COL4A3: variants seen among roughly 807,000 people sequenced by gnomAD.
COL4A3 encodes collagen alpha-3(IV) chain.
Under a neutral mutation model 217.4 loss-of-function variants are expected in COL4A3, and 135 were observed. That is an observed-to-expected ratio of 0.62 (90% CI 0.54 to 0.72). COL4A3 has a LOEUF of 0.72. COL4A3 is among the 30% of genes least tolerant of loss of function. The probability of loss-of-function intolerance (pLI) is 0.00; values close to 1 mark genes in which losing one functional copy is unlikely to be tolerated. For synonymous variants in COL4A3, 690 were observed against 736.3 expected (o/e 0.94, Z 1.02); for missense variants, 1,868 against 2,119.9 (o/e 0.88, Z 2.33).
chr2:227,197,085 A>T (rs955464925), intron 1 of COL4A3, among the ~76,000 whole-genome samples: 3 of 152,016 alleles, frequency 2.0e-5, no homozygotes, highest in African/African-American at 7.2e-5. Context: ...GCCATGTAAG[A>T]TGTGCCTTTC....
Position 227,243,268 on chromosome 2 carries a change from T to C in COL4A3, c.235-1052T>C, listed in dbSNP as rs188832789. Reference sequence around the variant, plus strand: ...TCATAGATTGATATTTTAAAGCATGTAAGGCTTACAGATATGTATGAATAG... The same window carrying C: ...TCATAGATTGATATTTTAAAGCATGCAAGGCTTACAGATATGTATGAATAG... On this transcript the variant is annotated intron_variant, in intron 3 of 51. Transcript: ENST00000396578. 2.2e-4 allele frequency among the ~76,000 whole-genome samples: 34 copies of C among 152,296 alleles called. No individual in the cohort carries two copies. In the East Asian group the frequency reaches 4.8e-3, roughly 22 times the overall value.
At chr2:227,177,007 A>G (rs562613532) in intron 1 of COL4A3, among the ~76,000 whole-genome samples, 11 of 152,336 alleles carry the variant, frequency 7.2e-5, no homozygotes, top group Admixed American at 6.5e-4. Flanking sequence ...TAAAAATTAA[A>G]ACTATTTATA....
At chr2:227,237,664 AC>A (rs1206678293) in intron 1 of COL4A3, 2 of 320,982 alleles carry the variant, frequency 6.2e-6, no homozygotes, top group African/African-American at 2.2e-5. Flanking sequence ...TTAGGTTGGT[AC>A]AAAGGTAATT....
At position 227,297,269 on chromosome 2, in the gene COL4A3, CTAAGT is replaced by C. The variant is rs1315297095; in HGVS notation, c.3566-401_3566-397del. 7.2e-5 allele frequency among the ~76,000 whole-genome samples: 11 copies of C among 152,306 alleles called. No individual in the cohort carries two copies. The East Asian group carries it at 1.5e-3, about 21-fold the overall frequency. The stretch of plus-strand genomic sequence containing the variant: ...CAGTGACTCAACAATGTCAACATGA[CTAAGT>C]TAATCAGCTGATAATAACTGGCTTA... On this transcript the variant is annotated intron_variant, in intron 41 of 51. Transcript: ENST00000396578.
chr2:227,180,644 A>C (rs547106006), intron 1 of COL4A3, among the ~76,000 whole-genome samples: 1 of 152,282 alleles, frequency 6.6e-6, no homozygotes, highest in East Asian at 1.9e-4. Flanking sequence ...TTCCAAGGCC[A>C]CTCAGATTCA....
In COL4A3 at chr2:227,275,169, C is replaced by CTGTTGT. The variant is rs200536643; in HGVS notation, c.1928-1193_1928-1188dup. On this transcript the variant is annotated intron_variant, in intron 26 of 51. Transcript: ENST00000396578. ...CTGTTCTAATCCATCACCAAATGCT[C>CTGTTGT]TGTTGTTGTTGTTGTTGTTGTTGTT... Among the ~76,000 whole-genome samples the CTGTTGT allele has an allele frequency of 6.9e-4, 104 of 151,256 alleles. 1 individual carries two copies. The highest frequency in any genetic ancestry group is 2.3e-3 in the African/African-American group (96 of 40,980).
At chr2:227,298,044 T>G (rs1045722862) in intron 42 of COL4A3, among the ~76,000 whole-genome samples, 185 bp downstream of exon 42, 5 of 152,142 alleles carry the variant, frequency 3.3e-5, no homozygotes, top group African/African-American at 9.7e-5. Flanking sequence ...GAGGGATGCA[T>G]AGTTAATAAA....
At chr2:227,166,102 TTTG>T (rs1300948258) in intron 1 of COL4A3, among the ~76,000 whole-genome samples, 67 of 152,388 alleles carry the variant, frequency 4.4e-4, no homozygotes, top group African/African-American at 1.6e-3. Context: ...TTCTTTTTGC[TTTG>T]TTGCACAGTA....
Position 227,263,889 on chromosome 2 carries a change from AG to A in COL4A3, c.1262del (p.Gly421ValfsTer37), listed in dbSNP as rs2125972772. The A allele has an allele frequency of 6.2e-7, 1 of 1,614,192 alleles. No individual in the cohort carries two copies. Among genetic ancestry groups the A allele is most frequent in the Non-Finnish European group, 8.5e-7 (1 of 1,180,020 alleles). ...ATGCCATGGGGACTCCTGGGTCCCC[AG>A]GTTGTGCTGGTTCACCAGGTCTTCC... Reference protein sequence around the residue: ...KDAMGTPGSPGCAGSPGLPGS... With the variant: ...KDAMGTPGSPXCAGSPGLPGS... On this transcript the variant is annotated frameshift_variant, in exon 21 of 52. Transcript: ENST00000396578. LOFTEE classifies it high-confidence loss of function.
rs781361868 is a variant in COL4A3, at chr2:227,253,460, G to C, written c.688-101G>C. The C allele has an allele frequency of 2.5e-5, 35 of 1,400,160 alleles. No individual in the cohort carries two copies. Among genetic ancestry groups the C allele is most frequent in the Middle Eastern group, 3.5e-4 (2 of 5,656 alleles). The allele number at this position is 1,400,160 out of a possible 1,614,324, so 86.7% of individuals were successfully genotyped here. The stretch of plus-strand genomic sequence containing the variant: ...GGGCCTTCATTTGTTCTATCTTCCC[G>C]TATAAGCACTAAAGGGGAAAAGTAG... On this transcript the variant is annotated intron_variant, in intron 12 of 51. Coordinates refer to ENST00000396578, the MANE Select transcript of COL4A3 (RefSeq NM_000091.5). The surrounding 1 kb of genome is among the most constrained non-coding windows in gnomAD (Gnocchi z 4.4).
chr2:227,190,352 C>A (rs1465423034), intron 1 of COL4A3, among the ~76,000 whole-genome samples: 1 of 152,194 alleles, frequency 6.6e-6, no homozygotes, highest in Admixed American at 6.5e-5. Context: ...CCATTTCTTG[C>A]AGATCCTGAC....
intron 22 of COL4A3, 62 bp downstream of exon 22, chr2:227,266,571 A>AT (rs1329911216): frequency 1.0e-5 from 13 of 1,301,022 alleles, no homozygotes; most frequent in East Asian, 4.8e-5. Flanking sequence ...ATTATCACTG[A>AT]TTTTTCCCCC....
In COL4A3 at chr2:227,282,144, C is replaced by T. The variant is rs1017435567; in HGVS notation, c.2489-221C>T. On this transcript the variant is annotated intron_variant, in intron 31 of 51. Transcript: ENST00000396578. This position sits in a 1 kb window ranked among gnomAD's most constrained non-coding sequence, Gnocchi z 4.4. ...AAACTTAGCTATGCATTATGGTGCA[C>T]GCCTGTAGTCCCAGCTATTTGGGAG... 4.0e-5 allele frequency among the ~76,000 whole-genome samples: 6 copies of T among 151,842 alleles called. No individual in the cohort carries two copies. Among genetic ancestry groups the T allele is most frequent in the Non-Finnish European group, 7.4e-5 (5 of 67,944 alleles).
Position 227,255,963 on chromosome 2 carries a change from T to C in COL4A3, c.889-63T>C, listed in dbSNP as rs573026781. Reference sequence around the variant, plus strand: ...GGAGATGATCATATCACTTAAGATTTCCGTATTTGTAAAGTTAGCCATATT... The same window carrying C: ...GGAGATGATCATATCACTTAAGATTCCCGTATTTGTAAAGTTAGCCATATT... On this transcript the variant is annotated intron_variant, in intron 15 of 51. Transcript: ENST00000396578. 6 of 1,517,026 alleles carry C rather than the reference T, an allele frequency of 4.0e-6. No homozygotes were observed. The African/African-American group carries it at 4.1e-5, about 10-fold the overall frequency. 94.0% of individuals were successfully genotyped at this position (1,517,026 alleles called of 1,614,324 possible).
Position 227,256,344 on chromosome 2 carries a change from G to C in COL4A3, c.935G>C (p.Gly312Ala). 1 of 1,613,558 alleles carries C rather than the reference G, an allele frequency of 6.2e-7. No individual in the cohort carries two copies. Reference protein sequence around the residue: ...DGVPGFPGSEGVKGNRGFPGL... With the variant: ...DGVPGFPGSEAVKGNRGFPGL... ...ATTTCTTTTTGTTCTTTTCTTTAGGGAGTCAAGGGCAACAGGGGTTTCCCT... is the reference window on the plus strand; with the variant it reads ...ATTTCTTTTTGTTCTTTTCTTTAGGCAGTCAAGGGCAACAGGGGTTTCCCT... Residue 312 changes from glycine to alanine, a missense_variant and splice_region_variant, in exon 17 of 52, where the codon GGA becomes GCA. Physicochemically the swap from Gly to Ala is moderately conservative, Grantham distance 60 (BLOSUM62 0). Around this residue, in one of 2 missense-constraint regions of COL4A3, gnomAD observed 1,503 missense variants for 1,786.1 expected, o/e 0.84. Coordinates refer to ENST00000396578, the MANE Select transcript of COL4A3 (RefSeq NM_000091.5).
At chr2:227,244,509 G>A in intron 4 of COL4A3, 145 bp downstream of exon 4, 2 of 851,800 alleles carry the variant, frequency 2.3e-6, no homozygotes, top group South Asian at 1.5e-5. Context: ...AATGGTAGAT[G>A]TCAAAGGAGT....
At chr2:227,246,888 G>A (rs10168567) in intron 7 of COL4A3, 150 bp downstream of exon 7, 4 of 773,970 alleles carry the variant, frequency 5.2e-6, no homozygotes, top group African/African-American at 5.1e-5. Flanking sequence ...GGGAATGGAT[G>A]AATACATGCA....
chr2:227,244,484 G>T (rs968465378), intron 4 of COL4A3, 120 bp downstream of exon 4: 5 of 957,524 alleles, frequency 5.2e-6, no homozygotes, highest in Non-Finnish European at 8.3e-6. Flanking sequence ...TCAAGAACAG[G>T]TAATACTAAT....
rs1230677963 is a variant in COL4A3, at chr2:227,259,912, AC to A, written c.1114+36del. ...AATTTCTTCCTAAAGCATTTGCTGA[AC>A]ATATTTCTGGCTTTCTTTCAAGGTA... On this transcript the variant is annotated intron_variant, in intron 19 of 51. Coordinates refer to ENST00000396578, the MANE Select transcript of COL4A3 (RefSeq NM_000091.5). 5 of 1,481,858 alleles carry A rather than the reference AC, an allele frequency of 3.4e-6. No individual in the cohort carries two copies. In the African/African-American group the frequency reaches 6.9e-5, roughly 21 times the overall value. The allele number at this position is 1,481,858 out of a possible 1,614,324, so 91.8% of individuals were successfully genotyped here.
Sources: gnomAD v4.1 joint callset for allele counts (sites outside exome capture counted in the v4.1 genomes callset) on GRCh38, gnomAD v4.1.1 for gene constraint, gnomAD v4.1.1 regional missense constraint, Gnocchi (gnomAD v3.1) non-coding constraint, MANE v1.5 for transcripts, NCBI Gene and HGNC (gene_info 2026-07-23, HGNC 2026-07-21) for gene names.